The following MANBAL variants were observed in gnomAD, a reference collection of about 807,000 sequenced individuals.
The protein encoded by MANBAL is protein MANBAL.
MANBAL carries 1 observed loss-of-function variant against 6.4 expected under a neutral mutation model. The observed-to-expected ratio is 0.16, with a 90% CI of 0.06 to 0.74. The LOEUF is 0.74. MANBAL is among the 30% of genes least tolerant of loss of function. The pLI, the probability that MANBAL is intolerant of heterozygous loss-of-function variation, is 0.78. For missense variants in MANBAL, 100 were observed against 107.8 expected (o/e 0.93, Z 0.32); for synonymous variants, 47 against 45.8 (o/e 1.03, Z -0.10).
chr20:37,304,991 A>G (rs1016344163), intron 2 of MANBAL, among the ~76,000 whole-genome samples: 2 of 152,176 alleles, frequency 1.3e-5, no homozygotes, highest in Non-Finnish European at 2.9e-5. Context: ...GAGGGGCTCC[A>G]GCATAGAGGG....
At chr20:37,314,114 C>T (rs1031420553) in intron 2 of MANBAL, among the ~76,000 whole-genome samples, 2 of 151,986 alleles carry the variant, frequency 1.3e-5, no homozygotes, top group Admixed American at 6.6e-5. Flanking sequence ...TAGCTGTGGG[C>T]GGAACTGAAG....
At chr20:37,302,328 G>A (rs2146807054) in intron 2 of MANBAL, 11 of 1,550,528 alleles carry the variant, frequency 7.1e-6, no homozygotes, top group East Asian at 2.4e-5. Flanking sequence ...TATTGGGTAC[G>A]AATACCTCAG....
At chr20:37,310,291 G>A (rs1303102602) in intron 2 of MANBAL, among the ~76,000 whole-genome samples, 1 of 152,204 alleles carries the variant, frequency 6.6e-6, no homozygotes, top group Non-Finnish European at 1.5e-5. Flanking sequence ...TCATCTCTGC[G>A]AGGCCTTCTC....
chr20:37,304,188 T>C (rs1367546851), intron 2 of MANBAL, among the ~76,000 whole-genome samples: 1 of 152,256 alleles, frequency 6.6e-6, no homozygotes, highest in Non-Finnish European at 1.5e-5. Flanking sequence ...CAAAATGTTG[T>C]GTTTAGTAAC....
Position 37,301,191 on chromosome 20 carries a change from C to G in MANBAL, c.-56-17C>G. 3.7e-6 allele frequency: 5 copies of G among 1,338,068 alleles called. No homozygotes were observed. The highest frequency in any genetic ancestry group is 5.0e-6 in the Non-Finnish European group (5 of 1,009,258). The allele number at this position is 1,338,068 out of a possible 1,614,324, so 82.9% of individuals were successfully genotyped here. ...GTCAGTTACAGAAATATGACACTGACCCTTTGCATTTACAAGTTGGTTCTA... is the reference window on the plus strand; with the variant it reads ...GTCAGTTACAGAAATATGACACTGAGCCTTTGCATTTACAAGTTGGTTCTA... On this transcript the variant is annotated splice_polypyrimidine_tract_variant and intron_variant, in intron 1 of 2. Transcript: ENST00000373606.
At chr20:37,295,680 T>C (rs2068977365) in intron 1 of MANBAL, among the ~76,000 whole-genome samples, 1 of 152,220 alleles carries the variant, frequency 6.6e-6, no homozygotes, top group Non-Finnish European at 1.5e-5. Flanking sequence ...ATATAACCTC[T>C]CCAAGCCTTG....
chr20:37,291,192 T>C lies in MANBAL; in HGVS notation c.-57+1506T>C, dbSNP rs1343861929. Among the ~76,000 whole-genome samples, 3 of 152,356 alleles carry C rather than the reference T, an allele frequency of 2.0e-5. No individual in the cohort carries two copies. The Middle Eastern group carries it at 0.01, about 518-fold the overall frequency. On this transcript the variant is annotated intron_variant, in intron 1 of 2. Transcript: ENST00000373606. ...TTCTTTTTTTCCCCAATAACCTTTTTGTTTTAGAATAATTTTAGATTTACA... is the reference window on the plus strand; with the variant it reads ...TTCTTTTTTTCCCCAATAACCTTTTCGTTTTAGAATAATTTTAGATTTACA...
At chr20:37,306,175 G>A (rs962543534) in intron 2 of MANBAL, among the ~76,000 whole-genome samples, 2 of 152,172 alleles carry the variant, frequency 1.3e-5, no homozygotes, top group African/African-American at 2.4e-5. Context: ...CCTCTTTGCC[G>A]TTTTGCTCAG....
In MANBAL at chr20:37,300,035, CA is replaced by C. The variant is rs1480350319; in HGVS notation, c.-56-1172del. ...CAGCAGCTCTTGTCTGGCTTATTGG[CA>C]GGGGCCTCCTCCTGGCTCTCCCTGT... On this transcript the variant is annotated intron_variant, in intron 1 of 2. Coordinates refer to ENST00000373606, the MANE Select transcript of MANBAL (RefSeq NM_001003897.2). Among the ~76,000 whole-genome samples, 5 of 152,322 alleles carry C rather than the reference CA, an allele frequency of 3.3e-5. No individual in the cohort carries two copies. In the East Asian group the frequency reaches 9.6e-4, roughly 29 times the overall value.
chr20:37,316,190 GAC>G (rs998099848), intron 2 of MANBAL, 116 bp from the exon 3 acceptor site: 4 of 936,204 alleles, frequency 4.3e-6, no homozygotes, highest in Non-Finnish European at 6.5e-6. Flanking sequence ...TCCCGGGAAT[GAC>G]AGTTTCCATC....
intron 2 of MANBAL, among the ~76,000 whole-genome samples, chr20:37,307,664 G>A (rs376313866): frequency 3.3e-5 from 5 of 152,126 alleles, no homozygotes; most frequent in African/African-American, 1.2e-4. Flanking sequence ...GGCTGAGGCA[G>A]GAGAATCCCT....
intron 1 of MANBAL, among the ~76,000 whole-genome samples, chr20:37,292,526 T>C (rs887806666): frequency 1.1e-4 from 16 of 152,142 alleles, no homozygotes; most frequent in African/African-American, 3.9e-4. Context: ...TCTTGAACTC[T>C]TGACCTCAGG....
intron 1 of MANBAL, among the ~76,000 whole-genome samples, chr20:37,291,064 T>A (rs1034802024): frequency 2.0e-5 from 3 of 152,086 alleles, no homozygotes; most frequent in African/African-American, 7.2e-5. Context: ...AGTCGTGAAA[T>A]CTGAGTTTTT....
At chr20:37,293,521 CCTG>C (rs1600894807) in intron 1 of MANBAL, among the ~76,000 whole-genome samples, 1 of 152,110 alleles carries the variant, frequency 6.6e-6, no homozygotes, top group African/African-American at 2.4e-5. Flanking sequence ...CGCTTGCTCA[CCTG>C]CTGCTCACCT....
At chr20:37,306,722 A>G (rs908325566) in intron 2 of MANBAL, among the ~76,000 whole-genome samples, 2 of 152,178 alleles carry the variant, frequency 1.3e-5, no homozygotes, top group Non-Finnish European at 2.9e-5. Context: ...AGTCTGATCA[A>G]TTGCTTGGTG....
intron 1 of MANBAL, among the ~76,000 whole-genome samples, chr20:37,292,216 C>T (rs1212478148): frequency 1.3e-5 from 2 of 152,116 alleles, no homozygotes; most frequent in Non-Finnish European, 2.9e-5. Context: ...GTATATAATG[C>T]AAATTATTTG....
Position 37,301,506 on chromosome 20 carries a change from G to T in MANBAL, c.150+93G>T, listed in dbSNP as rs537471677. 12 of 1,374,354 alleles carry T rather than the reference G, an allele frequency of 8.7e-6. No individual in the cohort carries two copies. The African/African-American group carries it at 1.6e-4, about 18-fold the overall frequency. The allele number at this position is 1,374,354 out of a possible 1,614,324, so 85.1% of individuals were successfully genotyped here. A position where few individuals can be genotyped will look rare whatever the true frequency, so the allele number is the denominator to read the frequency against. On this transcript the variant is annotated intron_variant, in intron 2 of 2. Coordinates refer to ENST00000373606, the MANE Select transcript of MANBAL (RefSeq NM_001003897.2). ...TGCCACCACAACTGAGATCAGCAGG[G>T]TCTACATTGGGCCTTTTTGATTTAG...
chr20:37,301,102 C>A, intron 1 of MANBAL, 106 bp from the exon 2 acceptor site: 1 of 685,634 alleles, frequency 1.5e-6, no homozygotes, highest in Non-Finnish European at 2.0e-6. Flanking sequence ...TGCCATTGCA[C>A]TCCAGCCTGG....
chr20:37,302,182 G>A (rs1179085223), intron 2 of MANBAL: 12 of 1,520,232 alleles, frequency 7.9e-6, no homozygotes, highest in East Asian at 2.5e-5. Context: ...AAAGCAGGTC[G>A]TTTGTCATGT....
Sources: allele counts gnomAD v4.1 joint callset (sites outside exome capture counted in the v4.1 genomes callset), GRCh38; gene constraint gnomAD v4.1.1; transcripts MANE v1.5; gene names NCBI Gene and HGNC (gene_info 2026-07-23, HGNC 2026-07-21).